The following LINGO2 variants were observed in gnomAD, a reference collection of about 807,000 sequenced individuals.
The protein encoded by LINGO2 is leucine rich repeat and Ig domain containing 2, also known as leucine-rich repeat and immunoglobulin-like domain-containing nogo receptor-interacting protein 2.
In LINGO2, 14 loss-of-function variants were observed where a neutral mutation model predicts 30.6. The observed-to-expected ratio is 0.46, with a 90% confidence interval of 0.30 to 0.72. The LOEUF (loss-of-function observed/expected upper bound fraction) is 0.72, where lower values mean the gene tolerates loss of function less well. Among genes scored for constraint, LINGO2 ranks in the 30% least tolerant of loss-of-function variants. LINGO2 has a pLI of 0.07. For synonymous variants in LINGO2, 317 were observed against 288.5 expected, an observed-to-expected ratio of 1.10 and a Z score of -1.00; for missense variants, 729 against 751.7, an observed-to-expected ratio of 0.97 and a Z score of 0.35.
chr9:28,582,324 A>G (rs934674669), intron 1 of LINGO2, among the ~76,000 whole-genome samples: 1 of 152,092 alleles, frequency 6.6e-6, no homozygotes, highest in African/African-American at 2.4e-5. Flanking sequence ...AAAGACTCAA[A>G]TCTGAGATAA....
chr9:28,293,301 T>C (rs1033375830), intron 4 of LINGO2, among the ~76,000 whole-genome samples: 13 of 152,094 alleles, frequency 8.5e-5, no homozygotes, highest in Non-Finnish European at 1.5e-4. Context: ...TCTCACTTTG[T>C]TGTCCAGGAT....
intron 4 of LINGO2, among the ~76,000 whole-genome samples, chr9:28,234,806 T>G (rs1821500458): frequency 1.3e-5 from 2 of 149,156 alleles, no homozygotes; most frequent in South Asian, 4.1e-4. Flanking sequence ...GCAGATGACC[T>G]ATTGTGGGAC....
intron 1 of LINGO2, among the ~76,000 whole-genome samples, chr9:28,596,518 G>T (rs1254885073): frequency 1.3e-5 from 2 of 152,134 alleles, no homozygotes; most frequent in Non-Finnish European, 2.9e-5. Context: ...TATAATAGAT[G>T]CATGAACCAG....
At chr9:28,419,214 C>T (rs953564284) in intron 2 of LINGO2, among the ~76,000 whole-genome samples, 19 of 152,048 alleles carry the variant, frequency 1.2e-4, no homozygotes, top group African/African-American at 3.4e-4. Context: ...TCATTTTTTC[C>T]GATCAGCAAA....
At chr9:28,107,126 T>C (rs1826618669) in intron 4 of LINGO2, among the ~76,000 whole-genome samples, 1 of 152,160 alleles carries the variant, frequency 6.6e-6, no homozygotes, top group Admixed American at 6.6e-5. Flanking sequence ...CTGCCTTCTA[T>C]TATACGTTCT....
intron 1 of LINGO2, among the ~76,000 whole-genome samples, chr9:28,573,757 A>T (rs1477982551): frequency 6.6e-6 from 1 of 152,148 alleles, no homozygotes; most frequent in Non-Finnish European, 1.5e-5. Context: ...TCCTACTTAT[A>T]TTTGGGAAGT....
chr9:28,705,437 G>C, the LINGO2 span, among the ~76,000 whole-genome samples: 1 of 152,152 alleles, frequency 6.6e-6, no homozygotes, highest in Non-Finnish European at 1.5e-5. Context: ...CCTTGGGACA[G>C]AATAGCTAGA....
intron 4 of LINGO2, among the ~76,000 whole-genome samples, chr9:28,146,472 T>C (rs1827815271): frequency 6.6e-6 from 1 of 152,038 alleles, no homozygotes; most frequent in African/African-American, 2.4e-5. Context: ...ATTGCAGCTA[T>C]AGAGGAAATT....
chr9:28,614,819 A>C (rs1826067361), intron 1 of LINGO2, among the ~76,000 whole-genome samples: 1 of 152,084 alleles, frequency 6.6e-6, no homozygotes, highest in Admixed American at 6.5e-5. Flanking sequence ...AACAAGTTTT[A>C]ATGTTACAGT....
the LINGO2 span, among the ~76,000 whole-genome samples, chr9:29,080,906 G>C: frequency 1.3e-5 from 2 of 152,074 alleles, no homozygotes; most frequent in Admixed American, 6.6e-5. Flanking sequence ...ATGTGGTTCT[G>C]AGAAGACTGT....
chr9:27,985,849 A>T (rs1366198380), intron 5 of LINGO2, among the ~76,000 whole-genome samples: 2 of 151,770 alleles, frequency 1.3e-5, no homozygotes, highest in African/African-American at 4.8e-5. Context: ...GTGAGGTGAA[A>T]ATTGCAATGG....
intron 4 of LINGO2, among the ~76,000 whole-genome samples, chr9:28,280,282 A>G (rs1166359370): frequency 6.6e-6 from 1 of 152,190 alleles, no homozygotes; most frequent in East Asian, 1.9e-4. Flanking sequence ...GATACATAAG[A>G]GTCCACAAGG....
chr9:28,001,844 G>A (rs1429701505), intron 5 of LINGO2, among the ~76,000 whole-genome samples: 2 of 152,138 alleles, frequency 1.3e-5, no homozygotes, highest in Non-Finnish European at 2.9e-5. Flanking sequence ...TACAACTTCT[G>A]TGATGCTCTA....
At chr9:28,333,104 T>C (rs1464678615) in intron 3 of LINGO2, among the ~76,000 whole-genome samples, 1 of 152,082 alleles carries the variant, frequency 6.6e-6, no homozygotes, top group African/African-American at 2.4e-5. Flanking sequence ...AAGAGACACA[T>C]CCACAGGAAA....
chr9:28,456,133 T>C (rs1824838041), intron 2 of LINGO2, among the ~76,000 whole-genome samples: 1 of 152,354 alleles, frequency 6.6e-6, no homozygotes, highest in South Asian at 2.1e-4. Context: ...TTGTGTTTTA[T>C]AAGCCATATG....
chr9:28,058,474 G>A (rs1032464350), intron 4 of LINGO2, among the ~76,000 whole-genome samples: 2 of 152,032 alleles, frequency 1.3e-5, no homozygotes, highest in African/African-American at 4.8e-5. Context: ...TTCTTTTTCC[G>A]CAGCACATGC....
chr9:28,514,928 C>T (rs965246507), intron 1 of LINGO2, among the ~76,000 whole-genome samples: 1 of 93,852 alleles, frequency 1.1e-5, no homozygotes, highest in African/African-American at 3.6e-5. Context: ...TCTGCCTATG[C>T]TCTATTTAAA....
chr9:28,592,880 T>A (rs1824988391), intron 1 of LINGO2, among the ~76,000 whole-genome samples: 1 of 152,030 alleles, frequency 6.6e-6, no homozygotes, highest in Non-Finnish European at 1.5e-5. Flanking sequence ...GTAGCCCTCT[T>A]TCATTGTCCC....
chr9:28,360,766 C>T (rs1017842052), intron 3 of LINGO2, among the ~76,000 whole-genome samples: 5 of 152,138 alleles, frequency 3.3e-5, no homozygotes, highest in Admixed American at 2.0e-4. Flanking sequence ...CACAGTCTCA[C>T]CTATAGATGC....
Sources: allele counts gnomAD v4.1 joint callset (sites outside exome capture counted in the v4.1 genomes callset), GRCh38; gene constraint gnomAD v4.1.1; transcripts MANE v1.5; gene names NCBI Gene and HGNC (gene_info 2026-07-23, HGNC 2026-07-21).